MYO19: variants seen among roughly 807,000 people sequenced by gnomAD.
MYO19 encodes unconventional myosin-XIX.
In MYO19, 132 loss-of-function variants were observed where a neutral mutation model predicts 129.2. That is an observed-to-expected ratio of 1.02 (90% CI 0.89 to 1.18). The LOEUF is 1.18. MYO19 is among the 50% of genes most tolerant of loss of function. MYO19 has a pLI of 0.00. For missense variants in MYO19, 1,210 were observed against 1,216.7 expected, an observed-to-expected ratio of 0.99 and a Z score of 0.08; for synonymous variants, 531 against 477.2, an observed-to-expected ratio of 1.11 and a Z score of -1.47.
Position 36,499,165 on chromosome 17 carries a change from G to T in MYO19, c.2378-5C>A. Reference sequence around the variant, plus strand: ...GAGTTAACCAGGAACGAATGGCTAAGAGGTTTGCCCAGAAACAGGAAAGAG... The same window carrying T: ...GAGTTAACCAGGAACGAATGGCTAATAGGTTTGCCCAGAAACAGGAAAGAG... On this transcript the variant is annotated splice_region_variant and splice_polypyrimidine_tract_variant and intron_variant, in intron 23 of 25. Coordinates refer to ENST00000614623, the MANE Select transcript of MYO19 (RefSeq NM_001163735.2). The T allele has an allele frequency of 6.3e-7, 1 of 1,598,328 alleles. No homozygotes were observed. The highest frequency in any genetic ancestry group is 1.1e-5 in the South Asian group (1 of 88,394).
intron 6 of MYO19, among the ~76,000 whole-genome samples, chr17:36,520,164 C>T (rs946426243): frequency 2.1e-4 from 32 of 151,936 alleles, no homozygotes; most frequent in African/African-American, 6.8e-4. Context: ...TTAATAGAGA[C>T]GGGATTTCAC....
upstream of MYO19, chr17:36,537,631 G>T: frequency 6.2e-7 from 1 of 1,613,984 alleles, no homozygotes; most frequent in Non-Finnish European, 8.5e-7. Context: ...TTTGTTTTTG[G>T]GTCTGCAATG....
chr17:36,501,446 A>G, intron 21 of MYO19: 1 of 519,860 alleles, frequency 1.9e-6, no homozygotes, highest in South Asian at 3.4e-5. Flanking sequence ...GGAGCCTTGG[A>G]ATACCCACTT....
chr17:36,523,182 C>CAAAAA (rs34403651), intron 6 of MYO19, among the ~76,000 whole-genome samples: 26 of 103,324 alleles, frequency 2.5e-4, no homozygotes, highest in East Asian at 5.4e-4. Context: ...AACCCTGTCT[C>CAAAAA]AAAAAAAAAA....
Position 36,532,565 on chromosome 17 carries a change from T to C in MYO19, c.-27A>G. ...CTCCTTCAAAGTGGTCAGCCAGGGT[T>C]CTGGGTTGCAGGAGGTACAAGGAGT... is the stretch of plus-strand genomic sequence containing the variant. On this transcript the variant is annotated 5_prime_UTR_variant, in exon 3 of 26. Coordinates refer to ENST00000614623, the MANE Select transcript of MYO19 (RefSeq NM_001163735.2). 6.4e-7 allele frequency: 1 copy of C among 1,553,732 alleles called. No individual in the cohort carries two copies. Among genetic ancestry groups the C allele is most frequent in the South Asian group, 1.2e-5 (1 of 84,118 alleles).
At chr17:36,533,057 C>G (rs1003673879) in intron 2 of MYO19, 1 of 156,450 alleles carries the variant, frequency 6.4e-6, no homozygotes, top group Non-Finnish European at 1.4e-5. Context: ...AGTCATCTCT[C>G]GCTGCTCCAG....
chr17:36,513,489 C>A lies in MYO19; in HGVS notation c.834G>T (p.Val278=). The A allele has an allele frequency of 6.2e-7, 1 of 1,613,934 alleles. No individual in the cohort carries two copies. The highest frequency in any genetic ancestry group is 1.1e-5 in the South Asian group (1 of 91,070). ...ERSLEEDCFE[V]TREAMLHLGI... ...CCAAATGGAGCATGGCCTCTCTGGT[C>A]ACCTCAAAACAATCCTCTGAAAAAG... is the stretch of plus-strand genomic sequence containing the variant. Residue 278 remains valine (V), a synonymous_variant, in exon 11 of 26, where the codon GTG becomes GTT. Transcript: ENST00000614623.
rs1461265333 is a variant in MYO19 at position 36,496,135 on chromosome 17, G to A, written c.*116C>T. 2 of 1,392,140 alleles carry A rather than the reference G, an allele frequency of 1.4e-6. No individual in the cohort carries two copies. The highest frequency in any genetic ancestry group is 2.0e-6 in the Non-Finnish European group (2 of 1,004,784). 86.2% of individuals were successfully genotyped at this position (1,392,140 alleles called of 1,614,324 possible). A position where few individuals can be genotyped will look rare whatever the true frequency, so the allele number is the denominator to read the frequency against. ...TGGGTCGAAGGCTGGAGCCGTCACT[G>A]TTGTTCATGTGCATTTGGAGCACTG... On this transcript the variant is annotated 3_prime_UTR_variant, in exon 26 of 26. Transcript: ENST00000614623.
chr17:36,539,784 C>T (rs2074187224), upstream of MYO19, among the ~76,000 whole-genome samples: 4 of 152,010 alleles, frequency 2.6e-5, no homozygotes, highest in South Asian at 8.3e-4. Flanking sequence ...AGGAAACAGA[C>T]ATTAAACATC....
At chr17:36,523,973 A>G (rs981259529) in intron 6 of MYO19, among the ~76,000 whole-genome samples, 11 of 152,296 alleles carry the variant, frequency 7.2e-5, no homozygotes, top group Admixed American at 5.9e-4. Context: ...TGAACTATGT[A>G]ACTACATTAC....
intron 21 of MYO19, chr17:36,502,754 C>T (rs1038536918): frequency 2.0e-5 from 6 of 296,632 alleles, no homozygotes; most frequent in Non-Finnish European, 3.2e-5. Flanking sequence ...GTTCCTCATA[C>T]CCACACTGCT....
At chr17:36,537,295 T>G, upstream of MYO19, 1 of 1,614,110 alleles carries the variant, frequency 6.2e-7, no homozygotes, top group Non-Finnish European at 8.5e-7. Flanking sequence ...GTTGTCCTAA[T>G]AGTTCCCATG....
At chr17:36,540,509 TACA>T (rs2142629737) in intron 2 of MYO19, among the ~76,000 whole-genome samples, 1 of 152,210 alleles carries the variant, frequency 6.6e-6, no homozygotes, top group African/African-American at 2.4e-5. Context: ...GAGCTGGGAT[TACA>T]GGCACACGCC....
Position 36,496,070 on chromosome 17 carries a change from C to G in MYO19, c.*181G>C. 1.1e-6 allele frequency: 1 copy of G among 907,184 alleles called. No individual in the cohort carries two copies. Among genetic ancestry groups the G allele is most frequent in the East Asian group, 2.6e-5 (1 of 38,506 alleles). 56.2% of individuals were successfully genotyped at this position (907,184 alleles called of 1,614,324 possible). A position where few individuals can be genotyped will look rare whatever the true frequency, so the allele number is the denominator to read the frequency against. On this transcript the variant is annotated 3_prime_UTR_variant, in exon 26 of 26. Coordinates refer to ENST00000614623, the MANE Select transcript of MYO19 (RefSeq NM_001163735.2). ...TGACACCATCAGTGCTTGATGTAGC[C>G]TGGAACCCCAGGCCCACTGACGCAC...
chr17:36,514,360 G>C (rs2072587804), intron 9 of MYO19, 86 bp downstream of exon 9: 1 of 859,868 alleles, frequency 1.2e-6, no homozygotes, highest in African/African-American at 1.7e-5. Context: ...AACCAGGTAT[G>C]GAGCATTCTG....
intron 9 of MYO19, 28 bp downstream of exon 9, chr17:36,514,418 G>C (rs766843880): frequency 2.5e-5 from 36 of 1,427,742 alleles, no homozygotes; most frequent in Non-Finnish European, 3.6e-5. Context: ...CTCGCATCTG[G>C]GGGGCTGTGG....
chr17:36,519,496 T>C (rs960662857), intron 6 of MYO19, among the ~76,000 whole-genome samples: 1 of 152,228 alleles, frequency 6.6e-6, no homozygotes, highest in Non-Finnish European at 1.5e-5. Context: ...AAATCTACCA[T>C]CTTATTTTTT....
chr17:36,526,010 C>T (rs1002186193), intron 5 of MYO19, among the ~76,000 whole-genome samples: 1 of 152,158 alleles, frequency 6.6e-6, no homozygotes, highest in African/African-American at 2.4e-5. Flanking sequence ...TCTGGAGGGC[C>T]ACGCCATCTC....
chr17:36,539,076 T>C (rs932343361), upstream of MYO19: 1 of 167,638 alleles, frequency 6.0e-6, no homozygotes, highest in Non-Finnish European at 1.5e-5. Context: ...TTTTAATGTA[T>C]CTCAACAATA....
Sources: allele counts gnomAD v4.1 joint callset (sites outside exome capture counted in the v4.1 genomes callset), GRCh38; gene constraint gnomAD v4.1.1; transcripts MANE v1.5; gene names NCBI Gene and HGNC (gene_info 2026-07-23, HGNC 2026-07-21).